The following HEXIM2 variants were observed in gnomAD, a reference collection of about 807,000 sequenced individuals.
The protein encoded by HEXIM2 is HEXIM P-TEFb complex subunit 2, also known as protein HEXIM2.
For missense variants in HEXIM2, 413 were observed against 390.8 expected (o/e 1.06, Z -0.48); for synonymous variants, 159 against 162.7 (o/e 0.98, Z 0.17).
chr17:45,161,897 G>A lies in HEXIM2; in HGVS notation c.-327G>A, dbSNP rs2042706534. ...GCTCTCTCTTCCCCCCCATCTTAGT[G>A]GCCTGAGCGGCTTGACCAGAGCTGC... On this transcript the variant is annotated 5_prime_UTR_variant, in exon 1 of 4. Transcript: ENST00000589230. 1 of 985,538 alleles carries A rather than the reference G, an allele frequency of 1.0e-6. No individual in the cohort carries two copies. Among genetic ancestry groups the A allele is most frequent in the African/African-American group, 1.7e-5 (1 of 57,230 alleles). 61.0% of individuals were successfully genotyped at this position (985,538 alleles called of 1,614,324 possible).
intron 3 of HEXIM2, among the ~76,000 whole-genome samples, chr17:45,164,372 T>G (rs1362941158): frequency 1.2e-4 from 18 of 152,146 alleles, no homozygotes; most frequent in Admixed American, 1.2e-3. Context: ...GGAGAATCGC[T>G]TGAAACTGGG....
intron 3 of HEXIM2, among the ~76,000 whole-genome samples, chr17:45,166,800 G>A (rs1348886977): frequency 1.1e-4 from 16 of 152,002 alleles, no homozygotes; most frequent in Non-Finnish European, 2.4e-4. Flanking sequence ...GAGGCGGGTG[G>A]ATCACTTGAT....
intron 3 of HEXIM2, 136 bp downstream of exon 3, chr17:45,162,995 A>G: frequency 1.6e-6 from 1 of 636,456 alleles, no homozygotes; most frequent in Admixed American, 2.7e-5. Flanking sequence ...GCACTAGGCA[A>G]TAGGCCGGAA....
intron 3 of HEXIM2, among the ~76,000 whole-genome samples, chr17:45,165,030 C>T (rs1415263043): frequency 6.6e-6 from 1 of 152,122 alleles, no homozygotes; most frequent in South Asian, 2.1e-4. Context: ...GGCTAGGGGG[C>T]TGGGCTCGCT....
chr17:45,160,860 G>A (rs1043923685), upstream of HEXIM2: 29 of 1,265,440 alleles, frequency 2.3e-5, no homozygotes, highest in South Asian at 2.2e-4. Context: ...GCTCCCAGGG[G>A]GAATTAGTGG....
Position 45,169,787 on chromosome 17 carries a change from G to T in HEXIM2, c.839G>T (p.Cys280Phe). 2.8e-6 allele frequency: 4 copies of T among 1,446,456 alleles called. No homozygotes were observed. Among genetic ancestry groups the T allele is most frequent in the Non-Finnish European group, 3.6e-6 (4 of 1,101,188 alleles). The allele number at this position is 1,446,456 out of a possible 1,614,324, so 89.6% of individuals were successfully genotyped here. Residue 280 changes from cysteine to phenylalanine, a missense_variant, in exon 4 of 4, where the codon TGT becomes TTT. By Grantham distance (205) the Cys-to-Phe change is radical. Coordinates refer to ENST00000589230, the MANE Select transcript of HEXIM2 (RefSeq NM_001303441.2). ...ATGTGGAACCGAGAGGGCTGCCGCT[G>T]TGATGAGGAGCCGGGTACCTAGGGG... is the stretch of plus-strand genomic sequence containing the variant. ...NQMWNREGCR[C>F]DEEPGT
chr17:45,160,993 C>T (rs760027337), upstream of HEXIM2: 5 of 1,276,910 alleles, frequency 3.9e-6, no homozygotes, highest in South Asian at 5.0e-5. Context: ...CAGCTGACTG[C>T]CACGCCGACT....
At chr17:45,160,487 T>A (rs1392103738), upstream of HEXIM2, among the ~76,000 whole-genome samples, 1 of 152,144 alleles carries the variant, frequency 6.6e-6, no homozygotes, top group Non-Finnish European at 1.5e-5. Flanking sequence ...TTACTGTAGT[T>A]CGTTTTTCCC....
At chr17:45,168,851 G>T in intron 3 of HEXIM2, 164 bp from the exon 4 acceptor site, 1 of 712,058 alleles carries the variant, frequency 1.4e-6, no homozygotes, top group South Asian at 1.8e-5. Flanking sequence ...ACAGACAGTA[G>T]ACAGGTCTCT....
intron 3 of HEXIM2, among the ~76,000 whole-genome samples, chr17:45,164,605 C>G (rs1457049386): frequency 2.0e-5 from 3 of 152,218 alleles, no homozygotes; most frequent in Non-Finnish European, 4.4e-5. Flanking sequence ...CCACTGCACT[C>G]CAGCCTGGGT....
chr17:45,167,523 A>G (rs558250035), intron 3 of HEXIM2, among the ~76,000 whole-genome samples: 1 of 152,284 alleles, frequency 6.6e-6, no homozygotes, highest in Non-Finnish European at 1.5e-5. Context: ...GCTTGAGTCT[A>G]GGAGTTTGAG....
upstream of HEXIM2, chr17:45,160,819 C>T: frequency 1.1e-6 from 1 of 892,514 alleles, no homozygotes; most frequent in Non-Finnish European, 1.6e-6. Flanking sequence ...GCACCGAGCT[C>T]GTGAAGGTTT....
chr17:45,162,944 G>C (rs2042741697), intron 3 of HEXIM2, 85 bp downstream of exon 3: 6 of 925,414 alleles, frequency 6.5e-6, no homozygotes, highest in Non-Finnish European at 3.5e-6. Context: ...CAGATGTGTT[G>C]GTAGATTTGG....
At chr17:45,161,103 G>T, upstream of HEXIM2, 1 of 505,734 alleles carries the variant, frequency 2.0e-6, no homozygotes, top group Non-Finnish European at 3.5e-6. Context: ...CCCTCTGTGC[G>T]GGGCCTCGCC....
intron 3 of HEXIM2, among the ~76,000 whole-genome samples, chr17:45,166,855 C>G (rs899768241): frequency 6.6e-6 from 1 of 151,676 alleles, no homozygotes; most frequent in Non-Finnish European, 1.5e-5. Flanking sequence ...GAAACCCCAT[C>G]TCTACTAAAA....
chr17:45,161,738 A>G, upstream of HEXIM2: 1 of 680,294 alleles, frequency 1.5e-6, no homozygotes, highest in Non-Finnish European at 1.8e-6. Context: ...GAAGGCAGTG[A>G]TGCGCGCGCG....
intron 3 of HEXIM2, among the ~76,000 whole-genome samples, chr17:45,164,634 CAAAAA>C: frequency 6.6e-6 from 1 of 152,184 alleles, no homozygotes; most frequent in South Asian, 2.1e-4. Context: ...CAGACTTTCT[CAAAAA>C]TAATAATAAT....
At chr17:45,168,988 A>C (rs542824190) in intron 3 of HEXIM2, 27 bp from the exon 4 acceptor site, 1 of 1,570,564 alleles carries the variant, frequency 6.4e-7, no homozygotes, top group African/African-American at 1.4e-5. Context: ...TGTCTGATCC[A>C]TCCTTCTTCC....
upstream of HEXIM2, chr17:45,160,612 G>A: frequency 3.9e-6 from 1 of 259,490 alleles, no homozygotes; most frequent in Non-Finnish European, 8.0e-6. Context: ...CTATTTCGGA[G>A]CCGCAGCGAC....
Sources: allele counts gnomAD v4.1 joint callset (sites outside exome capture counted in the v4.1 genomes callset), GRCh38; gene constraint gnomAD v4.1.1; transcripts MANE v1.5; gene names NCBI Gene and HGNC (gene_info 2026-07-23, HGNC 2026-07-21).